The following CLEC4M variants were observed in gnomAD, a reference collection of about 807,000 sequenced individuals.
The protein encoded by CLEC4M is C-type lectin domain family 4 member M, also known as CD209 antigen-like protein 1.
In CLEC4M, 25 loss-of-function variants were observed where a neutral mutation model predicts 39.1. That is an observed-to-expected ratio of 0.64 (90% CI 0.47 to 0.89). The LOEUF is 0.89. Among genes scored for constraint, CLEC4M ranks in the 40% least tolerant of loss-of-function variants. CLEC4M has a pLI of 0.00. For synonymous variants in CLEC4M, 155 were observed against 177.4 expected, an observed-to-expected ratio of 0.87 and a Z score of 1.00; for missense variants, 353 against 431.4, an observed-to-expected ratio of 0.82 and a Z score of 1.61.
In CLEC4M at chr19:7,766,657, A is replaced by G; in HGVS notation, c.786A>G (p.Glu262=). The G allele has an allele frequency of 1.2e-6, 2 of 1,614,154 alleles. No homozygotes were observed. Among genetic ancestry groups the G allele is most frequent in the South Asian group, 1.1e-5 (1 of 91,080 alleles). ...QELTDLKTAF[E]RLCRHCPKDW... ...GCCCTGACCAGCCTCCCCCAACAGA[A>G]CGCCTGTGCCGCCACTGTCCCAAGG... The change falls in exon 5 of 7, where the codon GAA becomes GAG. Residue 262 remains glutamate (E), a splice_region_variant and synonymous_variant. Coordinates refer to ENST00000327325, the MANE Select transcript of CLEC4M (RefSeq NM_014257.5).
intron 6 of CLEC4M, 173 bp downstream of exon 6, chr19:7,767,801 A>T: frequency 1.7e-6 from 1 of 582,052 alleles, no homozygotes; most frequent in East Asian, 2.8e-5. Flanking sequence ...ACAGGATGAA[A>T]GGTGCCAAGA....
At chr19:7,767,039 G>A (rs2034308768) in intron 5 of CLEC4M, 2 of 689,322 alleles carry the variant, frequency 2.9e-6, no homozygotes. Flanking sequence ...ACCACAGCAT[G>A]CTGCAGGTGT....
intron 5 of CLEC4M, chr19:7,767,026 AC>A: frequency 1.3e-6 from 1 of 756,596 alleles, no homozygotes; most frequent in Non-Finnish European, 2.0e-6. Context: ...ATGTAAGCAA[AC>A]CACCACAGCA....
rs1279888230 is a variant in CLEC4M, at chr19:7,769,582, A to C, written c.*594A>C. 45 of 152,394 alleles carry C rather than the reference A, an allele frequency of 3.0e-4. No homozygotes were observed. The highest frequency in any genetic ancestry group is 2.9e-3 in the Admixed American group (45 of 15,304). The allele number at this position is 152,394 out of a possible 1,614,324, so 9.4% of individuals were successfully genotyped here. On this transcript the variant is annotated 3_prime_UTR_variant, in exon 7 of 7. Coordinates refer to ENST00000327325, the MANE Select transcript of CLEC4M (RefSeq NM_014257.5). ...GTTTCTGAGTTGTAGCCTTTATAAT[A>C]AAGTGGTAAATGTTGTAACTGCAGA...
intron 5 of CLEC4M, chr19:7,767,260 T>C: frequency 2.1e-6 from 1 of 484,260 alleles, no homozygotes. Flanking sequence ...CATGTGGACA[T>C]GCAAAATAGA....
In CLEC4M at chr19:7,768,927, G is replaced by C. The variant is rs750171731; in HGVS notation, c.1139G>C (p.Arg380Pro). The C allele has an allele frequency of 1.2e-6, 2 of 1,614,112 alleles. No individual in the cohort carries two copies. Among genetic ancestry groups the C allele is most frequent in the Non-Finnish European group, 1.7e-6 (2 of 1,179,998 alleles). Residue 380 changes from arginine to proline, a missense_variant, in exon 7 of 7, where the codon CGA becomes CCA. Coordinates refer to ENST00000327325, the MANE Select transcript of CLEC4M (RefSeq NM_014257.5). The part of the protein sequence containing the change: ...EFSGSGWNDN[R>P]CDVDNYWICK... Reference sequence around the variant, plus strand: ...AGTGGCAGTGGCTGGAACGACAATCGATGTGACGTTGACAATTACTGGATC... The same window carrying C: ...AGTGGCAGTGGCTGGAACGACAATCCATGTGACGTTGACAATTACTGGATC...
chr19:7,768,020 C>T (rs559138902), intron 6 of CLEC4M: 5 of 169,956 alleles, frequency 2.9e-5, no homozygotes, highest in East Asian at 1.6e-4. Context: ...CAGGGTCTGT[C>T]GTGAGGGAAA....
Position 7,768,871 on chromosome 19 carries a change from C to A in CLEC4M, c.1083C>A (p.Asn361Lys). ...GGTACTGGAACAGTGGAGAACCCAA[C>A]AATAGCGGGAATGAAGACTGTGCGG... ...FQRYWNSGEP[N>K]NSGNEDCAEF... The change falls in exon 7 of 7, where the codon AAC (asparagine) becomes AAA (lysine). Residue 361 changes from asparagine to lysine, a missense_variant. Transcript: ENST00000327325. 6.2e-7 allele frequency: 1 copy of A among 1,614,138 alleles called. No homozygotes were observed. Among genetic ancestry groups the A allele is most frequent in the Middle Eastern group, 1.6e-4 (1 of 6,062 alleles).
At chr19:7,765,465 C>A (rs1012384541) in intron 3 of CLEC4M, 173 bp from the exon 4 acceptor site, 8 of 1,243,932 alleles carry the variant, frequency 6.4e-6, no homozygotes, top group Non-Finnish European at 8.8e-6. Context: ...AGGGGAAGAA[C>A]CTGGCTCTCC....
intron 4 of CLEC4M, 59 bp from the exon 5 acceptor site, chr19:7,766,597 A>G (rs2034284647): frequency 1.2e-6 from 2 of 1,607,446 alleles, no homozygotes; most frequent in Admixed American, 1.7e-5. Flanking sequence ...AAGGCTGGGC[A>G]GATATGGGAA....
At chr19:7,766,409 G>C (rs2034277708) in intron 4 of CLEC4M, 4 of 1,455,556 alleles carry the variant, frequency 2.7e-6, no homozygotes, top group Non-Finnish European at 1.8e-6. Flanking sequence ...GCTGCCTTCT[G>C]TTCTGAGCTC....
intron 5 of CLEC4M, 185 bp from the exon 6 acceptor site, chr19:7,767,331 T>C: frequency 1.7e-6 from 1 of 580,074 alleles, no homozygotes; most frequent in Admixed American, 3.0e-5. Flanking sequence ...CGTGCCTGCA[T>C]GTCAGGACAC....
intron 2 of CLEC4M, among the ~76,000 whole-genome samples, chr19:7,764,026 T>A (rs2034135355): frequency 6.6e-6 from 1 of 151,788 alleles, no homozygotes; most frequent in Non-Finnish European, 1.5e-5. Context: ...GACCTGGAGA[T>A]GTGGAGGCTG....
At position 7,766,781 on chromosome 19, in the gene CLEC4M, G is replaced by A. The variant is rs191262236; in HGVS notation, c.910G>A (p.Val304Ile). 1.7e-5 allele frequency: 28 copies of A among 1,614,186 alleles called. No homozygotes were observed. Among genetic ancestry groups the A allele is most frequent in the East Asian group, 1.1e-4 (5 of 44,884 alleles). ...CTGCCAGGAAGTGAGGGCCCAGCTC[G>A]TCGTAATCAAAACTGCTGAGGAGCA... The part of the protein sequence containing the change: ...TACQEVRAQL[V>I]VIKTAEEQNF... Residue 304 changes from valine (V) to isoleucine (I), a missense_variant, in exon 5 of 7, where the codon GTC becomes ATC. Transcript: ENST00000327325.
intron 2 of CLEC4M, among the ~76,000 whole-genome samples, chr19:7,763,698 G>C (rs1237670871): frequency 6.8e-6 from 1 of 147,946 alleles, no homozygotes; most frequent in Admixed American, 6.7e-5. Context: ...AGGTGGGAGA[G>C]GGGTTCTGGA....
Position 7,763,478 on chromosome 19 carries a change from T to C in CLEC4M, c.130+2T>C. On this transcript the variant is annotated splice_donor_variant, in intron 2 of 6. Coordinates refer to ENST00000327325, the MANE Select transcript of CLEC4M (RefSeq NM_014257.5). LOFTEE classifies it high-confidence loss of function. ...TACATGGCCACAAGAGCTCTACAGGTAGGCAAGAGTTAGGGAGCAGATAGT... is the reference window on the plus strand; with the variant it reads ...TACATGGCCACAAGAGCTCTACAGGCAGGCAAGAGTTAGGGAGCAGATAGT... 6.2e-7 allele frequency: 1 copy of C among 1,613,148 alleles called. No individual in the cohort carries two copies. Among genetic ancestry groups the C allele is most frequent in the Non-Finnish European group, 8.5e-7 (1 of 1,179,340 alleles).
chr19:7,764,825 T>C (rs1172875030), intron 2 of CLEC4M, among the ~76,000 whole-genome samples: 3 of 152,224 alleles, frequency 2.0e-5, no homozygotes, highest in Admixed American at 2.0e-4. Context: ...ATTCCACCTC[T>C]TTCTCTTCCT....
intron 5 of CLEC4M, chr19:7,767,148 G>T: frequency 2.2e-6 from 1 of 446,362 alleles, no homozygotes; most frequent in Non-Finnish European, 4.1e-6. Context: ...AAGCTGTGAT[G>T]TGCTGTCACT....
intron 6 of CLEC4M, chr19:7,767,870 G>GT: frequency 2.2e-6 from 1 of 447,568 alleles, no homozygotes; most frequent in Non-Finnish European, 4.1e-6. Context: ...TTAAAATACA[G>GT]TGTATTAATA....
Sources: allele counts gnomAD v4.1 joint callset (sites outside exome capture counted in the v4.1 genomes callset), GRCh38; gene constraint gnomAD v4.1.1; transcripts MANE v1.5; gene names NCBI Gene and HGNC (gene_info 2026-07-23, HGNC 2026-07-21).